Variants in EPHB1 observed in about 807,000 individuals in gnomAD.
EPHB1 encodes EPH receptor B1.
In EPHB1, 30 loss-of-function variants were observed where a neutral mutation model predicts 94.4. The ratio of observed to expected loss-of-function variants is 0.32; its 90% CI spans 0.24 to 0.43. The LOEUF (loss-of-function observed/expected upper bound fraction) is 0.43, where lower values mean the gene tolerates loss of function less well. Ranked by LOEUF, EPHB1 falls within the 20% of genes least tolerant of loss-of-function variation. EPHB1 has a pLI of 1.00. For synonymous variants in EPHB1, 522 were observed against 489.1 expected (o/e 1.07, Z -0.89); for missense variants, 1,055 against 1,308.3 (o/e 0.81, Z 2.99).
At chr3:135,254,614 G>C (rs1004034498) in intron 15 of EPHB1, among the ~76,000 whole-genome samples, 13 of 152,158 alleles carry the variant, frequency 8.5e-5, no homozygotes, top group Non-Finnish European at 1.9e-4. Flanking sequence ...GATTCGGTTT[G>C]CCAGTATTTT....
At chr3:134,888,205 G>C (rs908507982) in intron 1 of EPHB1, among the ~76,000 whole-genome samples, 1 of 152,184 alleles carries the variant, frequency 6.6e-6, no homozygotes, top group East Asian at 1.9e-4. Context: ...AGCACTGGGG[G>C]TCTTCCTTGA....
At chr3:134,845,521 C>T (rs1445756201) in intron 1 of EPHB1, among the ~76,000 whole-genome samples, 5 of 152,186 alleles carry the variant, frequency 3.3e-5, no homozygotes, top group East Asian at 1.9e-4. Context: ...GTGCAGGCTC[C>T]GAGGCCAGAA....
chr3:135,017,486 T>C (rs1193183174), intron 3 of EPHB1, among the ~76,000 whole-genome samples: 1 of 152,176 alleles, frequency 6.6e-6, no homozygotes, highest in Non-Finnish European at 1.5e-5. Flanking sequence ...CTCAGGTCCC[T>C]GTGAAGTGGA....
chr3:134,808,698 C>T (rs1421397485), intron 1 of EPHB1, among the ~76,000 whole-genome samples: 5 of 152,116 alleles, frequency 3.3e-5, no homozygotes, highest in Non-Finnish European at 7.4e-5. Flanking sequence ...GTTAAAAACC[C>T]AGGAAGGGAG....
chr3:134,807,318 T>A (rs2036081670), intron 1 of EPHB1, among the ~76,000 whole-genome samples: 1 of 152,156 alleles, frequency 6.6e-6, no homozygotes, highest in Non-Finnish European at 1.5e-5. Flanking sequence ...ACACAGACTT[T>A]CCTTCAGGGA....
chr3:135,191,423 A>G (rs528318841), intron 10 of EPHB1, among the ~76,000 whole-genome samples: 10 of 152,344 alleles, frequency 6.6e-5, no homozygotes, highest in African/African-American at 2.4e-4. Context: ...TCTTTCTAAT[A>G]TGGCAAGTAA....
intron 12 of EPHB1, among the ~76,000 whole-genome samples, chr3:135,210,007 G>A (rs1942996244): frequency 6.6e-6 from 1 of 152,208 alleles, no homozygotes; most frequent in Non-Finnish European, 1.5e-5. Flanking sequence ...TATCCAGCCT[G>A]TGCCTCTGGA....
In EPHB1 at chr3:134,926,358, C is replaced by T. The variant is rs974127410; in HGVS notation, c.123+478C>T. The stretch of plus-strand genomic sequence containing the variant: ...AAAAATAGATTATCCTTGAGGAGCT[C>T]GTGGCCTCCTGTGGGAACCAGTGTG... On this transcript the variant is annotated intron_variant, in intron 2 of 15. Coordinates refer to ENST00000398015, the MANE Select transcript of EPHB1 (RefSeq NM_004441.5). Among the ~76,000 whole-genome samples, 9 of 152,164 alleles carry T rather than the reference C, an allele frequency of 5.9e-5. No individual in the cohort carries two copies. In the East Asian group the frequency reaches 7.7e-4, roughly 13 times the overall value.
chr3:135,085,627 T>C (rs532175311), intron 3 of EPHB1, among the ~76,000 whole-genome samples: 1 of 152,180 alleles, frequency 6.6e-6, no homozygotes, highest in Admixed American at 6.5e-5. Context: ...GATGCGGGTG[T>C]CTCTTCTTGT....
intron 1 of EPHB1, among the ~76,000 whole-genome samples, chr3:134,824,173 G>C (rs925383228): frequency 8.5e-6 from 1 of 117,208 alleles, no homozygotes; most frequent in Non-Finnish European, 1.7e-5. Context: ...TCTTGCACTT[G>C]ACTAAGTGGT....
At position 135,201,660 on chromosome 3, in the gene EPHB1, A is replaced by C. The variant is rs576043847; in HGVS notation, c.2317A>C (p.Thr773Pro). 32 of 1,613,764 alleles carry C rather than the reference A, an allele frequency of 2.0e-5. 1 individual carries two copies. The South Asian group carries it at 3.5e-4, about 18-fold the overall frequency. Residue 773 changes from threonine to proline, a missense_variant, in exon 12 of 16, where the codon ACC (threonine) becomes CCC (proline). Coordinates refer to ENST00000398015, the MANE Select transcript of EPHB1 (RefSeq NM_004441.5). The part of the protein sequence containing the change: ...FGLSRYLQDD[T>P]SDPTYTSSLG... ...CCTCTCCCGCTACCTCCAGGATGAC[A>C]CCTCAGATCCCACCTACACCAGCTC...
At chr3:135,119,828 G>A (rs7434174) in intron 4 of EPHB1, among the ~76,000 whole-genome samples, 2 of 152,168 alleles carry the variant, frequency 1.3e-5, no homozygotes, top group African/African-American at 2.4e-5. Flanking sequence ...ATTTTGCATA[G>A]GATGTGATAT....
At chr3:135,080,907 T>C (rs1200452065) in intron 3 of EPHB1, among the ~76,000 whole-genome samples, 1 of 152,176 alleles carries the variant, frequency 6.6e-6, no homozygotes, top group Non-Finnish European at 1.5e-5. Flanking sequence ...TGTGCACTGC[T>C]ATTGTGTTGT....
Position 135,166,030 on chromosome 3 carries a change from G to T in EPHB1, c.1648G>T (p.Val550Phe). 6.2e-7 allele frequency: 1 copy of T among 1,613,968 alleles called. No homozygotes were observed. The highest frequency in any genetic ancestry group is 8.5e-7 in the Non-Finnish European group (1 of 1,179,874). ...GATTGCTGGCTCGGCAGCGGCCGGG[G>T]TCGTGTTCGTTGTGTCCTTGGTGGC... is the stretch of plus-strand genomic sequence containing the variant. Reference protein sequence around the residue: ...PLIAGSAAAGVVFVVSLVAIS... With the variant: ...PLIAGSAAAGFVFVVSLVAIS... Residue 550 changes from valine to phenylalanine, a missense_variant, in exon 8 of 16, where the codon GTC becomes TTC. Transcript: ENST00000398015.
chr3:135,142,008 G>A (rs991509257), intron 5 of EPHB1, among the ~76,000 whole-genome samples: 3 of 152,222 alleles, frequency 2.0e-5, no homozygotes, highest in South Asian at 2.1e-4. Context: ...GCTCCCAGAA[G>A]TATTCAGGGA....
intron 5 of EPHB1, among the ~76,000 whole-genome samples, chr3:135,151,911 T>C (rs1576429335): frequency 6.6e-6 from 1 of 152,204 alleles, no homozygotes; most frequent in East Asian, 1.9e-4. Flanking sequence ...TATATATAAC[T>C]GCCATTTCAG....
intron 3 of EPHB1, among the ~76,000 whole-genome samples, chr3:135,016,775 G>T (rs1935811037): frequency 6.6e-6 from 1 of 152,148 alleles, no homozygotes; most frequent in Non-Finnish European, 1.5e-5. Flanking sequence ...CTTCTTTCAA[G>T]ATCAAAATAA....
intron 3 of EPHB1, among the ~76,000 whole-genome samples, chr3:135,051,262 A>G (rs1241083833): frequency 6.6e-6 from 1 of 152,140 alleles, no homozygotes; most frequent in Non-Finnish European, 1.5e-5. Flanking sequence ...GAACTGCTAT[A>G]AGGAAGGGAA....
At chr3:134,828,509 C>A (rs1365600115) in intron 1 of EPHB1, among the ~76,000 whole-genome samples, 1 of 152,206 alleles carries the variant, frequency 6.6e-6, no homozygotes, top group East Asian at 1.9e-4. Flanking sequence ...CTGCCTCAAT[C>A]TATCATTTTA....
Sources: allele counts gnomAD v4.1 joint callset (sites outside exome capture counted in the v4.1 genomes callset), GRCh38; gene constraint gnomAD v4.1.1; transcripts MANE v1.5; gene names NCBI Gene and HGNC (gene_info 2026-07-23, HGNC 2026-07-21).